Variants in ZNF668 observed in about 807,000 individuals in gnomAD.
The protein encoded by ZNF668 is zinc finger protein 668.
ZNF668 carries 10 observed loss-of-function variants against 40.3 expected under a neutral mutation model. The ratio of observed to expected loss-of-function variants is 0.25; its 90% CI spans 0.15 to 0.42. ZNF668 has a LOEUF of 0.42. Among genes scored for constraint, ZNF668 ranks in the 10% least tolerant of loss-of-function variants. The probability of loss-of-function intolerance (pLI) is 1.00; values close to 1 mark genes in which losing one functional copy is unlikely to be tolerated. For missense variants in ZNF668, 749 were observed against 904.6 expected (o/e 0.83, Z 2.21); for synonymous variants, 428 against 384.6 (o/e 1.11, Z -1.32).
At chr16:31,065,480 A>T (rs980626143) in intron 1 of ZNF668, 1 of 152,536 alleles carries the variant, frequency 6.6e-6, no homozygotes, top group African/African-American at 2.4e-5. Context: ...AGGTGTGCCC[A>T]GAGGCTAGGG....
Position 31,073,849 on chromosome 16 carries a change from G to C in ZNF668, c.-213C>G, listed in dbSNP as rs2057039954. 2 of 152,192 alleles carry C rather than the reference G, an allele frequency of 1.3e-5. No individual in the cohort carries two copies. Among genetic ancestry groups the C allele is most frequent in the Admixed American group, 1.3e-4 (2 of 15,270 alleles). 9.4% of individuals were successfully genotyped at this position (152,192 alleles called of 1,614,324 possible). A position where few individuals can be genotyped will look rare whatever the true frequency, so the allele number is the denominator to read the frequency against. ...AGGGAAAGTTCCCGGGGAACCTCCA[G>C]CCTATGGCGGCAGAGAAGCATCTTG... On this transcript the variant is annotated 5_prime_UTR_variant, in exon 1 of 3. Transcript: ENST00000300849.
In ZNF668 at chr16:31,064,048, G is replaced by A; in HGVS notation, c.412C>T (p.Leu138=). ...RVHLASHAGE[L]PFRCAHCPKA... is the part of the protein sequence containing the mutation. ...GGGCAGTGCGCACAGCGGAAGGGCA[G>A]TTCGCCAGCGTGCGAGGCCAGGTGC... Residue 138 remains leucine, a synonymous_variant, in exon 2 of 3, where the codon CTG becomes TTG. Coordinates refer to ENST00000300849, the MANE Select transcript of ZNF668 (RefSeq NM_024706.5). The A allele has an allele frequency of 1.2e-6, 2 of 1,604,462 alleles. No homozygotes were observed. Among genetic ancestry groups the A allele is most frequent in the Non-Finnish European group, 1.7e-6 (2 of 1,174,224 alleles).
At position 31,061,206 on chromosome 16, in the gene ZNF668, G is replaced by A. The variant is rs376316594; in HGVS notation, c.1722C>T (p.Cys574=). The A allele has an allele frequency of 3.3e-6, 5 of 1,522,556 alleles. No individual in the cohort carries two copies. The African/African-American group carries it at 5.6e-5, about 17-fold the overall frequency. The allele number at this position is 1,522,556 out of a possible 1,614,324, so 94.3% of individuals were successfully genotyped here. A position where few individuals can be genotyped will look rare whatever the true frequency, so the allele number is the denominator to read the frequency against. The part of the protein sequence containing the change: ...RTHSSVRPYT[C]PHCPKAFLSA... ...TCAAGAAGGCCTTGGGACAATGGGG[G>A]CAGGTGTAGGGGCGCACTGAGCTGT... Residue 574 remains cysteine (C), a synonymous_variant, in exon 3 of 3, where the codon TGC becomes TGT. Coordinates refer to ENST00000300849, the MANE Select transcript of ZNF668 (RefSeq NM_024706.5). The surrounding 1 kb of genome is among the most constrained non-coding windows in gnomAD (Gnocchi z 7.7).
chr16:31,062,468 C>A, intron 2 of ZNF668, 188 bp from the exon 3 acceptor site: 1 of 787,124 alleles, frequency 1.3e-6, no homozygotes. Context: ...ATTCCAAAGA[C>A]CTGTCTCTGC....
chr16:31,063,798 G>T lies in ZNF668; in HGVS notation c.647+15C>A. On this transcript the variant is annotated intron_variant, in intron 2 of 2. Transcript: ENST00000300849. ...CCTGCCCCGGAAGGCGCCCTGCCCC[G>T]GAAGGCACCCTCACCGCTCATGGTT... 1 of 1,541,896 alleles carries T rather than the reference G, an allele frequency of 6.5e-7. No homozygotes were observed. Among genetic ancestry groups the T allele is most frequent in the Non-Finnish European group, 8.8e-7 (1 of 1,140,744 alleles).
chr16:31,066,538 C>A (rs915929384), intron 1 of ZNF668, among the ~76,000 whole-genome samples: 20 of 151,970 alleles, frequency 1.3e-4, no homozygotes, highest in Admixed American at 4.6e-4. Flanking sequence ...GCCTGGGCAA[C>A]CTGGTGAGAC....
chr16:31,069,897 C>A (rs2057003275), intron 1 of ZNF668, among the ~76,000 whole-genome samples: 1 of 150,496 alleles, frequency 6.6e-6, no homozygotes, highest in Admixed American at 6.6e-5. Context: ...GCCTTAGCCT[C>A]CTGAGTAGCT....
At chr16:31,064,893 A>T in intron 1 of ZNF668, 1 of 1,412,724 alleles carries the variant, frequency 7.1e-7, no homozygotes, top group Non-Finnish European at 9.2e-7. Context: ...AAGCGCCCAG[A>T]AAAGACAGAC....
Position 31,069,766 on chromosome 16 carries a change from G to A in ZNF668, c.-23+3893C>T, listed in dbSNP as rs1380664545. Among the ~76,000 whole-genome samples the A allele has an allele frequency of 7.1e-5, 10 of 141,068 alleles. No homozygotes were observed. In the East Asian group the frequency reaches 9.9e-4, roughly 14 times the overall value. The allele number at this position is 141,068 out of a possible 152,430, so 92.5% of individuals were successfully genotyped here. A position where few individuals can be genotyped will look rare whatever the true frequency, so the allele number is the denominator to read the frequency against. Reference sequence around the variant, plus strand: ...ACTACAGGTGCCCGCCACCACGCCCGGCTATTTTTTTTTTTTTTTTTTTTT... The same window carrying A: ...ACTACAGGTGCCCGCCACCACGCCCAGCTATTTTTTTTTTTTTTTTTTTTT... On this transcript the variant is annotated intron_variant, in intron 1 of 2. Coordinates refer to ENST00000300849, the MANE Select transcript of ZNF668 (RefSeq NM_024706.5).
Position 31,060,941 on chromosome 16 carries a change from G to C in ZNF668, c.*127C>G. On this transcript the variant is annotated 3_prime_UTR_variant, in exon 3 of 3. Coordinates refer to ENST00000300849, the MANE Select transcript of ZNF668 (RefSeq NM_024706.5). ...ACTGTCCCAGCTCTCTTAGCTGGCC[G>C]ACAGGGGAGCTAGTTGCTGAGGGGT... The C allele has an allele frequency of 1.7e-6, 2 of 1,201,020 alleles. No individual in the cohort carries two copies. Among genetic ancestry groups the C allele is most frequent in the African/African-American group, 3.1e-5 (2 of 64,086 alleles). 74.4% of individuals were successfully genotyped at this position (1,201,020 alleles called of 1,614,324 possible).
In ZNF668 at chr16:31,061,568, C is replaced by A. The variant is rs559376049; in HGVS notation, c.1360G>T (p.Asp454Tyr). ...AGCCCTAGCAGCCCTGCTGGAGGGT[C>A]CCCCAGCCCCGCCCCTGCTGCCGGG... Reference protein sequence around the residue: ...AAPAAGAGLGDPPAGLLGLPP... With the variant: ...AAPAAGAGLGYPPAGLLGLPP... The change falls in exon 3 of 3, where the codon GAC becomes TAC. Residue 454 changes from aspartate to tyrosine, a missense_variant. Physicochemically the swap from Asp to Tyr is radical, Grantham distance 160 (BLOSUM62 -3). Transcript: ENST00000300849. The surrounding 1 kb of genome is among the most constrained non-coding windows in gnomAD (Gnocchi z 7.7). 6 of 1,608,830 alleles carry A rather than the reference C, an allele frequency of 3.7e-6. No individual in the cohort carries two copies. The highest frequency in any genetic ancestry group is 5.1e-6 in the Non-Finnish European group (6 of 1,179,746).
At chr16:31,062,372 C>T in intron 2 of ZNF668, 92 bp from the exon 3 acceptor site, 1 of 1,479,058 alleles carries the variant, frequency 6.8e-7, no homozygotes, top group Non-Finnish European at 8.9e-7. Context: ...GCTCCCCAAA[C>T]GTTCGTGGGG....
At chr16:31,063,041 C>A (rs1269365353) in intron 2 of ZNF668, among the ~76,000 whole-genome samples, 1 of 150,944 alleles carries the variant, frequency 6.6e-6, no homozygotes, top group African/African-American at 2.4e-5. Flanking sequence ...TTGCGGTGAG[C>A]CGAGATCGCG....
At chr16:31,071,494 A>C (rs1248721946) in intron 1 of ZNF668, among the ~76,000 whole-genome samples, 3 of 151,018 alleles carry the variant, frequency 2.0e-5, no homozygotes, top group African/African-American at 7.3e-5. Flanking sequence ...ATTGGGTCTC[A>C]CTCTGTCACC....
chr16:31,061,623 A>C lies in ZNF668; in HGVS notation c.1305T>G (p.Pro435=). The C allele has an allele frequency of 6.2e-7, 1 of 1,611,222 alleles. No individual in the cohort carries two copies. Among genetic ancestry groups the C allele is most frequent in the South Asian group, 1.1e-5 (1 of 91,068 alleles). ...AQELVVGLAL[P]VGVAGESSAA... ...CTGAACTCTCACCTGCCACGCCCAC[A>C]GGCAGCGCCAACCCCACCACCAGCT... The change falls in exon 3 of 3, where the codon CCT becomes CCG. Residue 435 remains proline (P), a synonymous_variant. Coordinates refer to ENST00000300849, the MANE Select transcript of ZNF668 (RefSeq NM_024706.5). The surrounding 1 kb of genome is among the most constrained non-coding windows in gnomAD (Gnocchi z 7.7).
chr16:31,064,800 C>A, intron 1 of ZNF668: 1 of 1,468,036 alleles, frequency 6.8e-7, no homozygotes, highest in Non-Finnish European at 9.0e-7. Flanking sequence ...TCTGTCTCAC[C>A]ATCTTCCTTC....
chr16:31,069,770 A>AT (rs57798819), intron 1 of ZNF668, among the ~76,000 whole-genome samples: 13,283 of 84,482 alleles, frequency 0.16, 1,595 homozygotes, highest in Non-Finnish European at 0.2. Context: ...ACGCCCGGCT[A>AT]TTTTTTTTTT....
rs1310775737 is a variant in ZNF668, at chr16:31,068,466, A to G, written c.-22-3985T>C. ...CTCAATCTCCTGACCTCGTGATCCG[A>G]CCGCCTCGGCCTCCCAAAGTGCTGG... is the stretch of plus-strand genomic sequence containing the variant. On this transcript the variant is annotated intron_variant, in intron 1 of 2. Coordinates refer to ENST00000300849, the MANE Select transcript of ZNF668 (RefSeq NM_024706.5). Among the ~76,000 whole-genome samples, 13 of 147,272 alleles carry G rather than the reference A, an allele frequency of 8.8e-5. No homozygotes were observed. The East Asian group carries it at 2.0e-3, about 23-fold the overall frequency.
At position 31,060,961 on chromosome 16, in the gene ZNF668, A is replaced by G. The variant is rs2056915775; in HGVS notation, c.*107T>C. ...TGGCCGACAGGGGAGCTAGTTGCTG[A>G]GGGGTAGGGATCTGGAGTCTAAAGA... is the stretch of plus-strand genomic sequence containing the variant. On this transcript the variant is annotated 3_prime_UTR_variant, in exon 3 of 3. Coordinates refer to ENST00000300849, the MANE Select transcript of ZNF668 (RefSeq NM_024706.5). The G allele has an allele frequency of 7.7e-7, 1 of 1,294,130 alleles. No individual in the cohort carries two copies. The highest frequency in any genetic ancestry group is 2.8e-5 in the Admixed American group (1 of 35,744). 80.2% of individuals were successfully genotyped at this position (1,294,130 alleles called of 1,614,324 possible).
Sources: gnomAD v4.1 joint callset for allele counts (sites outside exome capture counted in the v4.1 genomes callset) on GRCh38, gnomAD v4.1.1 for gene constraint, Gnocchi (gnomAD v3.1) non-coding constraint, MANE v1.5 for transcripts, NCBI Gene and HGNC (gene_info 2026-07-23, HGNC 2026-07-21) for gene names.